DAPK1: variants seen among roughly 807,000 people sequenced by gnomAD.
DAPK1 encodes the protein death-associated protein kinase 1.
A neutral mutation model predicts 144.9 loss-of-function variants in DAPK1; 56 were observed. That is an observed-to-expected ratio of 0.39 (90% CI 0.31 to 0.48). The LOEUF is 0.48. DAPK1 is among the 20% of genes least tolerant of loss of function. The probability of loss-of-function intolerance (pLI) is 0.95; values close to 1 mark genes in which losing one functional copy is unlikely to be tolerated. For synonymous variants in DAPK1, 690 were observed against 749.0 expected, an observed-to-expected ratio of 0.92 and a Z score of 1.29; for missense variants, 1,454 against 1,875.4, an observed-to-expected ratio of 0.78 and a Z score of 4.15.
chr9:87,650,834 A>G (rs1830419271), intron 16 of DAPK1, among the ~76,000 whole-genome samples: 1 of 152,202 alleles, frequency 6.6e-6, no homozygotes, highest in African/African-American at 2.4e-5. Flanking sequence ...CAGTGGTGCT[A>G]CTAAACATCC....
rs148697110 is a variant in DAPK1, at chr9:87,577,120, G to T, written c.63-27834G>T. On this transcript the variant is annotated intron_variant, in intron 2 of 25. Coordinates refer to ENST00000408954, the MANE Select transcript of DAPK1 (RefSeq NM_004938.4). ...TCCCTCAAATATATACGGGAATCTG[G>T]TATGGAACTCAAGATCAACGAGGCA... Among the ~76,000 whole-genome samples, 32 of 152,302 alleles carry T rather than the reference G, an allele frequency of 2.1e-4. 2 individuals are homozygous for T. The East Asian group carries it at 6.2e-3, about 29-fold the overall frequency.
chr9:87,620,347 T>G (rs905846578), intron 3 of DAPK1, among the ~76,000 whole-genome samples: 1 of 152,178 alleles, frequency 6.6e-6, no homozygotes, highest in Non-Finnish European at 1.5e-5. Context: ...CTCAAACCCT[T>G]CTTCCCCCTC....
intron 3 of DAPK1, among the ~76,000 whole-genome samples, chr9:87,612,810 T>C (rs981789671): frequency 6.6e-6 from 1 of 151,912 alleles, no homozygotes; most frequent in African/African-American, 2.4e-5. Flanking sequence ...GGGTTTGGAG[T>C]CTAACATAAG....
chr9:87,682,335 G>A (rs975803567), intron 20 of DAPK1, among the ~76,000 whole-genome samples: 1 of 152,206 alleles, frequency 6.6e-6, no homozygotes, highest in Non-Finnish European at 1.5e-5. Flanking sequence ...TCTTGGGTGT[G>A]ATTCCAACTG....
intron 2 of DAPK1, among the ~76,000 whole-genome samples, chr9:87,527,223 G>A (rs1458223887): frequency 6.6e-6 from 1 of 152,096 alleles, no homozygotes; most frequent in African/African-American, 2.4e-5. Flanking sequence ...ACTTGCTTTT[G>A]CCCTTGACTT....
At chr9:87,505,931 G>T (rs915567750) in intron 2 of DAPK1, among the ~76,000 whole-genome samples, 1 of 151,810 alleles carries the variant, frequency 6.6e-6, no homozygotes, top group Non-Finnish European at 1.5e-5. Context: ...CAAGTGATCC[G>T]CCCGTCTCGG....
At chr9:87,615,800 G>C (rs147787256) in intron 3 of DAPK1, among the ~76,000 whole-genome samples, 203 of 152,348 alleles carry the variant, frequency 1.3e-3, no homozygotes, top group African/African-American at 4.8e-3. Context: ...GGTAAGGAAC[G>C]CTGTGCCCCC....
At chr9:87,533,410 G>A (rs1825757671) in intron 2 of DAPK1, among the ~76,000 whole-genome samples, 1 of 152,164 alleles carries the variant, frequency 6.6e-6, no homozygotes, top group African/African-American at 2.4e-5. Context: ...GTGTTCATGT[G>A]TTCACAGGCA....
At chr9:87,702,965 G>C in intron 24 of DAPK1, 64 bp from the exon 25 acceptor site, 1 of 754,498 alleles carries the variant, frequency 1.3e-6, no homozygotes, top group Non-Finnish European at 2.4e-6. Flanking sequence ...CCTTTCCACT[G>C]TGGCTCTGCT....
intron 2 of DAPK1, among the ~76,000 whole-genome samples, chr9:87,549,332 A>G (rs1014373177): frequency 2.4e-4 from 36 of 152,110 alleles, no homozygotes; most frequent in Admixed American, 7.9e-4. Context: ...TCTTTATCCA[A>G]TCTATCATTG....
At chr9:87,672,259 C>T (rs949160100) in intron 19 of DAPK1, among the ~76,000 whole-genome samples, 12 of 152,144 alleles carry the variant, frequency 7.9e-5, no homozygotes, top group East Asian at 7.7e-4. Flanking sequence ...CACCATTGAG[C>T]GCTCAGTGTG....
intron 2 of DAPK1, among the ~76,000 whole-genome samples, chr9:87,593,142 T>A (rs887566209): frequency 2.0e-5 from 3 of 152,150 alleles, no homozygotes; most frequent in Non-Finnish European, 2.9e-5. Flanking sequence ...TTGTATTCAG[T>A]CTCCAGAGCA....
At chr9:87,528,358 C>T (rs1344965320) in intron 2 of DAPK1, among the ~76,000 whole-genome samples, 5 of 151,930 alleles carry the variant, frequency 3.3e-5, no homozygotes, top group Non-Finnish European at 5.9e-5. Flanking sequence ...GCTGGGATTA[C>T]AGGTGTGCAT....
In DAPK1 at chr9:87,604,170, GA is replaced by G. The variant is rs779970433; in HGVS notation, c.63-783del. Among the ~76,000 whole-genome samples the G allele has an allele frequency of 1.1e-4, 16 of 151,320 alleles. No homozygotes were observed. The South Asian group carries it at 1.5e-3, about 14-fold the overall frequency. The stretch of plus-strand genomic sequence containing the variant: ...TCCCAAGACAGTTGGCAGCGGCTTT[GA>G]GGGGGGGGTTCTGTCACACTCAAAA... On this transcript the variant is annotated intron_variant, in intron 2 of 25. Transcript: ENST00000408954.
chr9:87,518,278 ATTTTTTTTTTTTT>A (rs1188386875), intron 2 of DAPK1, among the ~76,000 whole-genome samples: 1 of 124,590 alleles, frequency 8.0e-6, no homozygotes, highest in African/African-American at 3.1e-5. Flanking sequence ...CACCCAGCTA[ATTTTTTTTTTTTT>A]TTTTTTTTGT....
rs36212720 is a variant in DAPK1 at position 87,646,093 on chromosome 9, C to G, written c.1131+79C>G. On this transcript the variant is annotated intron_variant, in intron 12 of 25. Coordinates refer to ENST00000408954, the MANE Select transcript of DAPK1 (RefSeq NM_004938.4). ...TTCCATATCCAAGGAAAGACCCCAT[C>G]TGCTTCTCCATTCTCCCTTCCAATT... is the stretch of plus-strand genomic sequence containing the variant. The G allele has an allele frequency of 2.6e-4, 388 of 1,509,756 alleles. No homozygotes were observed. The African/African-American group carries it at 4.8e-3, about 19-fold the overall frequency. The allele number at this position is 1,509,756 out of a possible 1,614,324, so 93.5% of individuals were successfully genotyped here.
intron 17 of DAPK1, among the ~76,000 whole-genome samples, chr9:87,656,999 A>G (rs1394785324): frequency 6.6e-6 from 1 of 152,206 alleles, no homozygotes; most frequent in Non-Finnish European, 1.5e-5. Context: ...TTTTAAAAAG[A>G]GCATGTGTTA....
At chr9:87,629,302 G>A (rs1180718717) in intron 3 of DAPK1, among the ~76,000 whole-genome samples, 1 of 152,176 alleles carries the variant, frequency 6.6e-6, no homozygotes, top group African/African-American at 2.4e-5. Flanking sequence ...TCGTCTACAA[G>A]CCCAGGAGCA....
intron 2 of DAPK1, among the ~76,000 whole-genome samples, chr9:87,543,377 A>G (rs1027712648): frequency 2.0e-5 from 3 of 152,260 alleles, no homozygotes; most frequent in Non-Finnish European, 4.4e-5. Flanking sequence ...TTTCATAGAC[A>G]TAATTTCCAT....
Sources: allele counts gnomAD v4.1 joint callset (sites outside exome capture counted in the v4.1 genomes callset), GRCh38; gene constraint gnomAD v4.1.1; transcripts MANE v1.5; gene names NCBI Gene and HGNC (gene_info 2026-07-23, HGNC 2026-07-21).